The following DUS2 variants were observed in gnomAD, a reference collection of about 807,000 sequenced individuals.
The protein encoded by DUS2 is dihydrouridine synthase 2, also known as tRNA-dihydrouridine(20) synthase [NAD(P)+]-like.
Under a neutral mutation model 71.3 loss-of-function variants are expected in DUS2, and 52 were observed. That is an observed-to-expected ratio of 0.73 (90% confidence interval 0.58 to 0.92). DUS2 has a LOEUF of 0.92. DUS2 is among the 40% of genes least tolerant of loss of function. DUS2 has a pLI of 0.00. For missense variants in DUS2, 558 were observed against 622.6 expected (o/e 0.90, Z 1.10); for synonymous variants, 204 against 227.8 (o/e 0.90, Z 0.94).
At position 68,076,705 on chromosome 16, in the gene DUS2, C is replaced by G. The variant is rs369381912; in HGVS notation, c.1156C>G (p.Pro386Ala). 3 of 1,613,916 alleles carry G rather than the reference C, an allele frequency of 1.9e-6. No homozygotes were observed. The highest frequency in any genetic ancestry group is 2.2e-5 in the South Asian group (2 of 91,076). The change falls in exon 15 of 17, where the codon CCT becomes GCT. Residue 386 changes from proline (P) to alanine (A), a missense_variant. Transcript: ENST00000565263. ...GTGCCGGAGGGAGAAGTTGGCACAG[C>G]CTGTGTATGAAACGGTGAGTTCCTG... ...EWCRREKLAQ[P>A]VYETVQRPLD...
chr16:68,056,493 A>G, intron 7 of DUS2, 69 bp downstream of exon 7: 10 of 1,285,630 alleles, frequency 7.8e-6, no homozygotes, highest in Non-Finnish European at 1.1e-5. Context: ...GACATAACTA[A>G]GTATAGTACC....
chr16:68,076,726 T>G lies in DUS2; in HGVS notation c.1170+7T>G. On this transcript the variant is annotated splice_region_variant and intron_variant, in intron 15 of 16. Transcript: ENST00000565263. ...ACAGCCTGTGTATGAAACGGTGAGT[T>G]CCTGGCTGTGGCCTGCCCTGCAGCC... The G allele has an allele frequency of 6.2e-7, 1 of 1,612,698 alleles. No homozygotes were observed. Among genetic ancestry groups the G allele is most frequent in the Non-Finnish European group, 8.5e-7 (1 of 1,178,852 alleles).
Position 68,066,595 on chromosome 16 carries a change from G to T in DUS2, c.513G>T (p.Arg171=). 6.2e-7 allele frequency: 1 copy of T among 1,614,216 alleles called. No individual in the cohort carries two copies. Among genetic ancestry groups the T allele is most frequent in the Non-Finnish European group, 8.5e-7 (1 of 1,180,022 alleles). The part of the protein sequence containing the change: ...SLEDTLSLVK[R]IERTGIAAIA... ...AAGATACCCTGAGCCTTGTGAAGCG[G>T]ATAGAGAGGACTGGCATTGCTGCCA... The change falls in exon 10 of 17, where the codon CGG becomes CGT. Residue 171 remains arginine (R), a synonymous_variant. Transcript: ENST00000565263.
Position 68,079,057 on chromosome 16 carries a change from C to T in DUS2, c.*71C>T. ...GTGGCTGTGGATGCCACAGCATGAA[C>T]CAGATGCCGTTGAACAGTTTGCTGG... On this transcript the variant is annotated 3_prime_UTR_variant, in exon 17 of 17. Coordinates refer to ENST00000565263, the MANE Select transcript of DUS2 (RefSeq NM_017803.5). The T allele has an allele frequency of 2.3e-6, 3 of 1,331,342 alleles. No individual in the cohort carries two copies. Among genetic ancestry groups the T allele is most frequent in the Non-Finnish European group, 3.1e-6 (3 of 974,298 alleles). The allele number at this position is 1,331,342 out of a possible 1,614,324, so 82.5% of individuals were successfully genotyped here. A position where few individuals can be genotyped will look rare whatever the true frequency, so the allele number is the denominator to read the frequency against.
At chr16:68,027,131 G>C (rs975705442) in intron 2 of DUS2, 4 of 152,168 alleles carry the variant, frequency 2.6e-5, no homozygotes, top group Non-Finnish European at 4.4e-5. Flanking sequence ...AACCAAACTT[G>C]AGTGATAACA....
chr16:68,065,377 C>CTT (rs111782057), intron 8 of DUS2, among the ~76,000 whole-genome samples: 9 of 140,498 alleles, frequency 6.4e-5, no homozygotes, highest in African/African-American at 1.8e-4. Flanking sequence ...TGCCCCCCCG[C>CTT]TTTTTTTTTT....
chr16:68,048,721 G>C (rs2033737491), intron 3 of DUS2, among the ~76,000 whole-genome samples: 1 of 152,130 alleles, frequency 6.6e-6, no homozygotes, highest in African/African-American at 2.4e-5. Flanking sequence ...GGGGCTCATA[G>C]GGAGTCAGTA....
intron 2 of DUS2, chr16:68,026,817 A>G (rs983262003): frequency 6.9e-6 from 1 of 144,294 alleles, no homozygotes; most frequent in Non-Finnish European, 1.5e-5. Context: ...CGGAGGTTGC[A>G]GTGACCTGAG....
chr16:68,077,023 G>A lies in DUS2; in HGVS notation c.1170+304G>A, dbSNP rs1017449758. Among the ~76,000 whole-genome samples, 6 of 152,076 alleles carry A rather than the reference G, an allele frequency of 3.9e-5. No homozygotes were observed. In the South Asian group the frequency reaches 1.0e-3, roughly 26 times the overall value. On this transcript the variant is annotated intron_variant, in intron 15 of 16. Transcript: ENST00000565263. Reference sequence around the variant, plus strand: ...TGTAATCCCACAACTTTGGGAGGCCGAGGCAGGTGGAACACGAGGTCAGGA... The same window carrying A: ...TGTAATCCCACAACTTTGGGAGGCCAAGGCAGGTGGAACACGAGGTCAGGA...
intron 3 of DUS2, among the ~76,000 whole-genome samples, chr16:68,046,662 A>C (rs1372514446): frequency 6.6e-6 from 1 of 151,858 alleles, no homozygotes; most frequent in Non-Finnish European, 1.5e-5. Flanking sequence ...AGGTTATCTA[A>C]TTTTTTGGCA....
intron 3 of DUS2, 33 bp downstream of exon 3, chr16:68,038,182 C>G: frequency 6.2e-7 from 1 of 1,611,096 alleles, no homozygotes. Flanking sequence ...GTGGGCTTCT[C>G]CACAAGTACA....
chr16:68,070,019 C>G, intron 10 of DUS2, 115 bp from the exon 11 acceptor site: 1 of 894,268 alleles, frequency 1.1e-6, no homozygotes, highest in South Asian at 1.4e-5. Flanking sequence ...ATATGGCCAC[C>G]TGACCTTCCT....
intron 12 of DUS2, among the ~76,000 whole-genome samples, chr16:68,071,781 G>C (rs1474005441): frequency 6.6e-6 from 1 of 151,992 alleles, no homozygotes; most frequent in Admixed American, 6.6e-5. Context: ...GGGACTACAG[G>C]CATGTGCCAC....
intron 4 of DUS2, among the ~76,000 whole-genome samples, chr16:68,051,630 A>AT (rs1402059777): frequency 6.6e-6 from 1 of 152,120 alleles, no homozygotes; most frequent in African/African-American, 2.4e-5. Flanking sequence ...GCCTCAAGTG[A>AT]TCCCCCTGCC....
intron 2 of DUS2, among the ~76,000 whole-genome samples, chr16:68,037,576 C>T (rs1598301885): frequency 6.6e-6 from 1 of 152,128 alleles, no homozygotes; most frequent in African/African-American, 2.4e-5. Flanking sequence ...CGCCACCATG[C>T]CCAGCTAATT....
At chr16:68,039,597 A>G (rs1387489026) in intron 3 of DUS2, among the ~76,000 whole-genome samples, 1 of 151,882 alleles carries the variant, frequency 6.6e-6, no homozygotes, top group Non-Finnish European at 1.5e-5. Flanking sequence ...TTCTTTTTGT[A>G]TTTTTAGTAG....
chr16:68,057,555 A>AC (rs2033878401), intron 7 of DUS2, among the ~76,000 whole-genome samples: 1 of 151,964 alleles, frequency 6.6e-6, no homozygotes, highest in Admixed American at 6.6e-5. Context: ...CAACAGAGTG[A>AC]AACCCTGTCT....
chr16:68,062,745 A>G (rs992460800), intron 8 of DUS2, among the ~76,000 whole-genome samples: 4 of 150,028 alleles, frequency 2.7e-5, no homozygotes, highest in African/African-American at 9.8e-5. Flanking sequence ...AAAAAAGATC[A>G]TATAGTAAAT....
intron 3 of DUS2, among the ~76,000 whole-genome samples, chr16:68,049,115 T>C (rs2033743179): frequency 6.6e-6 from 1 of 152,198 alleles, no homozygotes; most frequent in Admixed American, 6.5e-5. Context: ...TGGATGTTTC[T>C]TGGGAGCCCT....
Sources: gnomAD v4.1 joint callset for allele counts (sites outside exome capture counted in the v4.1 genomes callset) on GRCh38, gnomAD v4.1.1 for gene constraint, MANE v1.5 for transcripts, NCBI Gene and HGNC (gene_info 2026-07-23, HGNC 2026-07-21) for gene names.